The following SLAIN2 variants were observed in gnomAD, a reference collection of about 807,000 sequenced individuals.
SLAIN2 encodes the protein SLAIN family member 2.
SLAIN2 carries 31 observed loss-of-function variants against 56.6 expected under a neutral mutation model. The observed-to-expected ratio is 0.55, with a 90% CI of 0.41 to 0.74. The LOEUF is 0.74. SLAIN2 is among the 30% of genes least tolerant of loss of function. The pLI, the probability that SLAIN2 is intolerant of heterozygous loss-of-function variation, is 0.00. For missense variants in SLAIN2, 777 were observed against 754.2 expected (o/e 1.03, Z -0.35); for synonymous variants, 317 against 284.9 (o/e 1.11, Z -1.13).
intron 6 of SLAIN2, among the ~76,000 whole-genome samples, chr4:48,418,163 T>C (rs552364823): frequency 4.6e-5 from 7 of 151,206 alleles, no homozygotes; most frequent in South Asian, 2.1e-4. Flanking sequence ...CTTCTCCCTC[T>C]TCTTCTTTTT....
chr4:48,372,198 C>T (rs563548285), intron 2 of SLAIN2, among the ~76,000 whole-genome samples: 1 of 151,986 alleles, frequency 6.6e-6, no homozygotes, highest in East Asian at 1.9e-4. Context: ...AGGCATTGTT[C>T]TCAACACTGA....
chr4:48,422,686 GAA>G lies in SLAIN2; in HGVS notation c.*613_*614del, dbSNP rs2109793164. ...TGATTTTTGCAGATTCATTAGAAAAGAAAAATTGTCATTTAATCTTAAGTTTT... is the reference window on the plus strand; with the variant it reads ...TGATTTTTGCAGATTCATTAGAAAAGAAATTGTCATTTAATCTTAAGTTTT... On this transcript the variant is annotated 3_prime_UTR_variant, in exon 8 of 8. Coordinates refer to ENST00000264313, the MANE Select transcript of SLAIN2 (RefSeq NM_020846.2). The G allele has an allele frequency of 6.6e-6, 1 of 152,334 alleles. No individual in the cohort carries two copies. Among genetic ancestry groups the G allele is most frequent in the East Asian group, 1.9e-4 (1 of 5,188 alleles). 9.4% of individuals were successfully genotyped at this position (152,334 alleles called of 1,614,324 possible).
At chr4:48,405,711 A>G (rs1716676211) in intron 6 of SLAIN2, among the ~76,000 whole-genome samples, 1 of 152,060 alleles carries the variant, frequency 6.6e-6, no homozygotes. Context: ...TGTAATGCCT[A>G]GATTCATAAT....
chr4:48,350,769 CAG>C (rs1351900165), intron 1 of SLAIN2, among the ~76,000 whole-genome samples: 3 of 152,042 alleles, frequency 2.0e-5, no homozygotes, highest in African/African-American at 7.2e-5. Context: ...AGGAGTGGCT[CAG>C]AAATTGCAGA....
intron 1 of SLAIN2, among the ~76,000 whole-genome samples, chr4:48,349,177 A>C (rs1265824734): frequency 6.6e-6 from 1 of 152,106 alleles, no homozygotes; most frequent in Non-Finnish European, 1.5e-5. Context: ...CCTTTTTTAG[A>C]GTATATTTAA....
chr4:48,377,756 T>A (rs1715860300), intron 2 of SLAIN2, 140 bp from the exon 3 acceptor site: 5 of 800,876 alleles, frequency 6.2e-6, no homozygotes, highest in Non-Finnish European at 9.8e-6. Flanking sequence ...GATTATTATA[T>A]TTTTTCCCCC....
At chr4:48,411,119 T>C (rs1716833610) in intron 6 of SLAIN2, among the ~76,000 whole-genome samples, 1 of 152,132 alleles carries the variant, frequency 6.6e-6, no homozygotes, top group Non-Finnish European at 1.5e-5. Context: ...TATGTGTGTG[T>C]GTGTTTAAGG....
chr4:48,351,944 T>C (rs1258755849), intron 1 of SLAIN2, among the ~76,000 whole-genome samples: 1 of 152,182 alleles, frequency 6.6e-6, no homozygotes, highest in Non-Finnish European at 1.5e-5. Context: ...TCAACAAGTT[T>C]AGGGAAAAGA....
rs753655829 is a variant in SLAIN2 at position 48,420,396 on chromosome 4, T to G, written c.1632T>G (p.Ala544=). Residue 544 remains alanine (A), a synonymous_variant, in exon 7 of 8, where the codon GCT becomes GCG. Coordinates refer to ENST00000264313, the MANE Select transcript of SLAIN2 (RefSeq NM_020846.2). ...TGCCCAGACCCAGTGCCCCTTCTGC[T>G]GGGGGCATACCAGTGCCTCGCAGCA... ...SGLPRPSAPS[A]GGIPVPRSKL... The G allele has an allele frequency of 6.2e-7, 1 of 1,613,996 alleles. No individual in the cohort carries two copies. The highest frequency in any genetic ancestry group is 1.1e-5 in the South Asian group (1 of 91,084).
intron 6 of SLAIN2, among the ~76,000 whole-genome samples, chr4:48,392,048 T>C (rs1716247312): frequency 6.6e-6 from 1 of 152,120 alleles, no homozygotes; most frequent in Non-Finnish European, 1.5e-5. Context: ...CTGAACTCTA[T>C]TATTAGAAAG....
At position 48,382,559 on chromosome 4, in the gene SLAIN2, T is replaced by C. The variant is rs1165795735; in HGVS notation, c.863-9T>C. 6.5e-7 allele frequency: 1 copy of C among 1,538,948 alleles called. No homozygotes were observed. Among genetic ancestry groups the C allele is most frequent in the Non-Finnish European group, 8.8e-7 (1 of 1,137,642 alleles). ...TATTGTTTAAATAAATAACATTCAT[T>C]GTTGCCAGGTCTCCGGCAAGAATAT... On this transcript the variant is annotated splice_polypyrimidine_tract_variant and intron_variant, in intron 4 of 7. Coordinates refer to ENST00000264313, the MANE Select transcript of SLAIN2 (RefSeq NM_020846.2).
intron 6 of SLAIN2, among the ~76,000 whole-genome samples, chr4:48,384,496 G>A (rs547639327): frequency 2.6e-5 from 4 of 152,198 alleles, no homozygotes; most frequent in African/African-American, 9.6e-5. Flanking sequence ...GAGATAAATT[G>A]CCAGAAACCA....
intron 4 of SLAIN2, 126 bp downstream of exon 4, chr4:48,379,974 T>C: frequency 1.2e-6 from 1 of 855,564 alleles, no homozygotes; most frequent in Non-Finnish European, 1.7e-6. Context: ...CAGTGGACAT[T>C]TCAGAGACTT....
intron 2 of SLAIN2, among the ~76,000 whole-genome samples, chr4:48,375,120 A>T (rs28411210): frequency 0.29 from 43,482 of 151,828 alleles, 6,435 homozygotes; most frequent in South Asian, 0.48. Context: ...GCATAGACTG[A>T]GAAGATAAAA....
intron 1 of SLAIN2, among the ~76,000 whole-genome samples, chr4:48,361,941 G>A (rs1461132997): frequency 1.3e-5 from 2 of 152,082 alleles, no homozygotes; most frequent in East Asian, 1.9e-4. Context: ...AAATGAAATT[G>A]TTATATCTAT....
At chr4:48,386,093 A>G (rs1465004404) in intron 6 of SLAIN2, among the ~76,000 whole-genome samples, 1 of 136,020 alleles carries the variant, frequency 7.4e-6, no homozygotes, top group Admixed American at 7.4e-5. Context: ...ATTGAAAGAA[A>G]AAAAAAAAAA....
intron 1 of SLAIN2, among the ~76,000 whole-genome samples, chr4:48,356,514 A>G (rs761967148): frequency 3.3e-5 from 5 of 152,234 alleles, no homozygotes; most frequent in Non-Finnish European, 7.3e-5. Context: ...GCTAGTATAC[A>G]TAAAGACTGT....
At chr4:48,402,911 C>T (rs1716593466) in intron 6 of SLAIN2, among the ~76,000 whole-genome samples, 1 of 152,138 alleles carries the variant, frequency 6.6e-6, no homozygotes, top group Admixed American at 6.5e-5. Flanking sequence ...TTTGTGCGGT[C>T]CTTTTTGTTG....
intron 6 of SLAIN2, among the ~76,000 whole-genome samples, chr4:48,390,909 A>G (rs547747041): frequency 6.6e-6 from 1 of 152,192 alleles, no homozygotes; most frequent in African/African-American, 2.4e-5. Context: ...TCATGAAGCA[A>G]CTGCTACACA....
Sources: allele counts gnomAD v4.1 joint callset (sites outside exome capture counted in the v4.1 genomes callset), GRCh38; gene constraint gnomAD v4.1.1; transcripts MANE v1.5; gene names NCBI Gene and HGNC (gene_info 2026-07-23, HGNC 2026-07-21).